The following GABRA3 variants were observed in gnomAD, a reference collection of about 807,000 sequenced individuals.
The protein encoded by GABRA3 is gamma-aminobutyric acid type A receptor subunit alpha3.
In GABRA3, 10 loss-of-function variants were observed where a neutral mutation model predicts 30.1. The observed-to-expected ratio is 0.33, with a 90% CI of 0.20 to 0.56. The LOEUF is 0.56. Among genes scored for constraint, GABRA3 ranks in the 20% least tolerant of loss-of-function variants. The pLI, the probability that GABRA3 is intolerant of heterozygous loss-of-function variation, is 0.89. For synonymous variants in GABRA3, 151 were observed against 146.8 expected (o/e 1.03, Z -0.21); for missense variants, 233 against 392.0 (o/e 0.59, Z 3.42).
intron 5 of GABRA3, among the ~76,000 whole-genome samples, chrX:152,226,278 TAC>T (rs1937951907): frequency 8.9e-6 from 1 of 111,837 alleles, no homozygotes; most frequent in African/African-American, 3.2e-5. Flanking sequence ...CTTGTCAAAT[TAC>T]AGACATCCAT....
chrX:152,385,160 G>C (rs954460682), intron 1 of GABRA3, among the ~76,000 whole-genome samples: 1 of 111,754 alleles, frequency 8.9e-6, no homozygotes, highest in Non-Finnish European at 1.9e-5. Flanking sequence ...TACACTTCAG[G>C]TAGGAGTATA....
intron 3 of GABRA3, among the ~76,000 whole-genome samples, chrX:152,315,553 G>A (rs778661950): frequency 9.0e-6 from 1 of 111,489 alleles, no homozygotes; most frequent in Admixed American, 9.5e-5. Flanking sequence ...AGGTGAGGAG[G>A]CGTGAAAGCC....
At chrX:152,207,841 G>T (rs1232403011) in intron 7 of GABRA3, among the ~76,000 whole-genome samples, 160 bp downstream of exon 7, 1 of 112,105 alleles carries the variant, frequency 8.9e-6, no homozygotes, top group Non-Finnish European at 1.9e-5. Context: ...CTGTGACAAG[G>T]AGCAAATTAC....
intron 3 of GABRA3, among the ~76,000 whole-genome samples, chrX:152,301,251 C>T (rs1939625144): frequency 9.0e-6 from 1 of 111,552 alleles, no homozygotes; most frequent in Admixed American, 9.5e-5. Context: ...TACCAGAATC[C>T]TATATCCAGC....
chrX:152,427,367 T>A (rs1274353434), intron 1 of GABRA3, among the ~76,000 whole-genome samples: 2 of 111,870 alleles, frequency 1.8e-5, no homozygotes, highest in African/African-American at 3.3e-5. Flanking sequence ...CTTCCTAGAA[T>A]GCAGCATGAA....
At chrX:152,375,285 T>A (rs1356223949) in intron 1 of GABRA3, among the ~76,000 whole-genome samples, 5 of 109,804 alleles carry the variant, frequency 4.6e-5, no homozygotes, top group Admixed American at 2.9e-4. Context: ...TTTTCAGTAT[T>A]TCACTGTTTG....
At chrX:152,298,960 A>G (rs1939583600) in intron 3 of GABRA3, among the ~76,000 whole-genome samples, 1 of 111,757 alleles carries the variant, frequency 8.9e-6, no homozygotes, top group Admixed American at 9.6e-5. Flanking sequence ...TGACTTCAAT[A>G]TTTAAAATAT....
At chrX:152,331,401 CA>C (rs1940164187) in intron 3 of GABRA3, among the ~76,000 whole-genome samples, 2 of 111,000 alleles carry the variant, frequency 1.8e-5, no homozygotes, top group African/African-American at 6.6e-5. Flanking sequence ...GAAGTTTCTT[CA>C]TGAGTTAACA....
Position 152,374,346 on chromosome X carries a change from T to C in GABRA3, c.-26-9750A>G, listed in dbSNP as rs866029797. Among the ~76,000 whole-genome samples, 452 of 88,244 alleles carry C rather than the reference T, an allele frequency of 5.1e-3. 1 individual carries two copies. Among genetic ancestry groups the C allele is most frequent in the South Asian group, 0.019 (31 of 1,598 alleles). 76.6% of individuals were successfully genotyped at this position (88,244 alleles called of 115,157 possible). A position where few individuals can be genotyped will look rare whatever the true frequency, so the allele number is the denominator to read the frequency against. The stretch of plus-strand genomic sequence containing the variant: ...TTTTTTCTTTTCTTTTCTTTTTTTT[T>C]TTTTTTTTTTTTTGAGATGGAATCT... On this transcript the variant is annotated intron_variant, in intron 1 of 9. Coordinates refer to ENST00000370314, the MANE Select transcript of GABRA3 (RefSeq NM_000808.4).
At chrX:152,317,450 T>C (rs1436018708) in intron 3 of GABRA3, among the ~76,000 whole-genome samples, 2 of 111,592 alleles carry the variant, frequency 1.8e-5, no homozygotes, top group Non-Finnish European at 3.8e-5. Context: ...ATTTAAACTA[T>C]ACCCAAGAAA....
At chrX:152,259,455 G>C (rs150834206) in intron 4 of GABRA3, among the ~76,000 whole-genome samples, 1 of 111,394 alleles carries the variant, frequency 9.0e-6, no homozygotes, top group Non-Finnish European at 1.9e-5. Flanking sequence ...TGCACAGCTC[G>C]CAGCTCCAAA....
At chrX:152,335,243 C>T (rs1231672487) in intron 3 of GABRA3, among the ~76,000 whole-genome samples, 1 of 111,395 alleles carries the variant, frequency 9.0e-6, no homozygotes, top group African/African-American at 3.3e-5. Flanking sequence ...AACATAGGGT[C>T]GTTCCTCAGA....
chrX:152,218,975 G>T (rs1937779275), intron 6 of GABRA3, among the ~76,000 whole-genome samples: 1 of 111,026 alleles, frequency 9.0e-6, no homozygotes, highest in Admixed American at 9.6e-5. Flanking sequence ...AATTTTAACT[G>T]CCCATTTAGG....
intron 1 of GABRA3, among the ~76,000 whole-genome samples, chrX:152,397,651 C>T (rs977967957): frequency 2.7e-5 from 3 of 111,985 alleles, no homozygotes; most frequent in African/African-American, 9.7e-5. Flanking sequence ...CCATCTATGA[C>T]TTTGCCTCGA....
chrX:152,247,874 T>C (rs1206920443), intron 5 of GABRA3, among the ~76,000 whole-genome samples: 1 of 111,463 alleles, frequency 9.0e-6, no homozygotes, highest in Non-Finnish European at 1.9e-5. Flanking sequence ...CCCCAAGATA[T>C]GTAAACTCTC....
intron 3 of GABRA3, among the ~76,000 whole-genome samples, chrX:152,294,142 CT>C (rs1186942966): frequency 9.0e-6 from 1 of 111,081 alleles, no homozygotes; most frequent in Non-Finnish European, 1.9e-5. Context: ...TTGTGGTCTT[CT>C]CTGTATTTCC....
chrX:152,362,239 G>A (rs1442933585), intron 2 of GABRA3, among the ~76,000 whole-genome samples: 5 of 109,836 alleles, frequency 4.6e-5, no homozygotes, highest in Non-Finnish European at 9.5e-5. Context: ...CAAGAATATA[G>A]GACAATAGCC....
chrX:152,391,880 A>T (rs1929495303), intron 1 of GABRA3, among the ~76,000 whole-genome samples: 1 of 111,969 alleles, frequency 8.9e-6, no homozygotes, highest in Non-Finnish European at 1.9e-5. Context: ...ATAAAGAGAC[A>T]TAATACAAAT....
intron 8 of GABRA3, among the ~76,000 whole-genome samples, chrX:152,196,398 CA>C (rs1295981206): frequency 1.1e-4 from 3 of 26,691 alleles, no homozygotes; most frequent in African/African-American, 4.3e-4. Context: ...AACTCCGTCT[CA>C]AAAAAAAAGA....
Sources: gnomAD v4.1 joint callset for allele counts (sites outside exome capture counted in the v4.1 genomes callset) on GRCh38, gnomAD v4.1.1 for gene constraint, MANE v1.5 for transcripts, NCBI Gene and HGNC (gene_info 2026-07-23, HGNC 2026-07-21) for gene names.